Variants in PCSK1 observed in about 807,000 individuals in gnomAD.
PCSK1 encodes neuroendocrine convertase 1.
Under a neutral mutation model 90.6 loss-of-function variants are expected in PCSK1, and 56 were observed. The ratio of observed to expected loss-of-function variants is 0.62; its 90% CI spans 0.50 to 0.77. The LOEUF (loss-of-function observed/expected upper bound fraction) is 0.77, where lower values mean the gene tolerates loss of function less well. Among genes scored for constraint, PCSK1 ranks in the 30% least tolerant of loss-of-function variants. PCSK1 has a pLI of 0.00. For missense variants in PCSK1, 801 were observed against 932.6 expected (o/e 0.86, Z 1.84); for synonymous variants, 348 against 342.4 (o/e 1.02, Z -0.18).
chr5:96,401,449 A>G (rs1760372082), intron 9 of PCSK1, among the ~76,000 whole-genome samples: 1 of 152,192 alleles, frequency 6.6e-6, no homozygotes, highest in Admixed American at 6.5e-5. Context: ...CCAGAAAGGG[A>G]GCTTATACTT....
chr5:96,398,887 G>A lies in PCSK1; in HGVS notation c.1580C>T (p.Ser527Phe). 2 of 1,613,078 alleles carry A rather than the reference G, an allele frequency of 1.2e-6. No homozygotes were observed. The highest frequency in any genetic ancestry group is 1.7e-6 in the Non-Finnish European group (2 of 1,179,098). The change falls in exon 11 of 14, where the codon TCT becomes TTT. Residue 527 changes from serine (S) to phenylalanine (F), a missense_variant. By Grantham distance (155) the Ser-to-Phe change is radical. Coordinates refer to ENST00000311106, the MANE Select transcript of PCSK1 (RefSeq NM_000439.5). ...RRGDLHVTLT[S>F]AAGTSTVLLA... The stretch of plus-strand genomic sequence containing the variant: ...GAACTTTTTTAATTTACCAGCAGCA[G>A]AAGTAAGTGTGACATGAAGGTCTCC...
chr5:96,395,162 G>A, intron 12 of PCSK1, 137 bp from the exon 13 acceptor site: 1 of 742,688 alleles, frequency 1.3e-6, no homozygotes, highest in Non-Finnish European at 2.3e-6. Context: ...GAAACCATTG[G>A]ATCCACTCTT....
At chr5:96,412,949 C>T (rs1181284363) in intron 6 of PCSK1, 2 of 1,025,540 alleles carry the variant, frequency 2.0e-6, no homozygotes, top group African/African-American at 3.5e-5. Flanking sequence ...TCCAAGCAGC[C>T]CTCTGGTGAT....
intron 10 of PCSK1, among the ~76,000 whole-genome samples, chr5:96,399,454 A>G (rs1487529057): frequency 6.6e-6 from 1 of 152,162 alleles, no homozygotes; most frequent in Non-Finnish European, 1.5e-5. Flanking sequence ...CTTCTGTGAC[A>G]AGATGTGGTG....
intron 1 of PCSK1, 39 bp downstream of exon 1, chr5:96,432,824 T>A: frequency 1.9e-6 from 3 of 1,593,304 alleles, no homozygotes; most frequent in Non-Finnish European, 2.6e-6. Context: ...GCCAGTCCCC[T>A]GGGGCCCCAG....
intron 1 of PCSK1, chr5:96,432,043 G>A (rs1352788466): frequency 2.1e-6 from 3 of 1,416,478 alleles, no homozygotes. Flanking sequence ...ACTTGGACAG[G>A]CAACAATAAG....
Position 96,420,187 on chromosome 5 carries a change from C to T in PCSK1, c.620+1693G>A, listed in dbSNP as rs191564873. ...ATTTAAGAAACATAGGGAGAAGGTA[C>T]GTTGTCACCCAGTTTAGGGGAAGAA... is the stretch of plus-strand genomic sequence containing the variant. On this transcript the variant is annotated intron_variant, in intron 5 of 13. Coordinates refer to ENST00000311106, the MANE Select transcript of PCSK1 (RefSeq NM_000439.5). Among the ~76,000 whole-genome samples, 12 of 152,190 alleles carry T rather than the reference C, an allele frequency of 7.9e-5. No homozygotes were observed. In the South Asian group the frequency reaches 8.3e-4, roughly 11 times the overall value.
intron 5 of PCSK1, among the ~76,000 whole-genome samples, chr5:96,418,881 T>C (rs1316466358): frequency 1.3e-5 from 2 of 152,186 alleles, no homozygotes; most frequent in Non-Finnish European, 2.9e-5. Context: ...TTGTCTCTGC[T>C]GCTCCCATCG....
At chr5:96,426,443 C>G (rs1761309710) in intron 2 of PCSK1, among the ~76,000 whole-genome samples, 1 of 152,072 alleles carries the variant, frequency 6.6e-6, no homozygotes, top group Non-Finnish European at 1.5e-5. Context: ...TTTGAAACTC[C>G]CTCCCCTGTG....
At chr5:96,407,028 CTAAAA>C (rs1262799066) in intron 9 of PCSK1, among the ~76,000 whole-genome samples, 2 of 151,840 alleles carry the variant, frequency 1.3e-5, no homozygotes, top group Non-Finnish European at 2.9e-5. Flanking sequence ...ACATCATACA[CTAAAA>C]TAAATTCCAG....
intron 6 of PCSK1, among the ~76,000 whole-genome samples, chr5:96,414,265 T>A (rs1760872687): frequency 6.6e-6 from 1 of 152,190 alleles, no homozygotes; most frequent in African/African-American, 2.4e-5. Flanking sequence ...TCATGTGCAT[T>A]CATGATAGTC....
chr5:96,425,024 G>GAA (rs1267867763), intron 3 of PCSK1, among the ~76,000 whole-genome samples: 4 of 71,616 alleles, frequency 5.6e-5, no homozygotes, highest in Non-Finnish European at 1.2e-4. Context: ...AAGAAAGAAA[G>GAA]AAAGAAAGAA....
intron 5 of PCSK1, among the ~76,000 whole-genome samples, chr5:96,419,386 A>T (rs917440883): frequency 3.5e-5 from 2 of 56,458 alleles, no homozygotes; most frequent in South Asian, 6.0e-4. Context: ...AATACTTATT[A>T]TATATATATA....
In PCSK1 at chr5:96,391,064, T is replaced by C. The variant is rs562288544; in HGVS notation, c.*1937A>G. 6.6e-6 allele frequency: 1 copy of C among 152,486 alleles called. No homozygotes were observed. Among genetic ancestry groups the C allele is most frequent in the Admixed American group, 6.5e-5 (1 of 15,308 alleles). 9.4% of individuals were successfully genotyped at this position (152,486 alleles called of 1,614,324 possible). ...AATCTAAGAATTCTCTGGTCCTTTT[T>C]AGTTTTAATACTTTTTGATATGCTC... is the stretch of plus-strand genomic sequence containing the variant. On this transcript the variant is annotated 3_prime_UTR_variant, in exon 14 of 14. Transcript: ENST00000311106.
At chr5:96,432,280 G>A (rs1237044785) in intron 1 of PCSK1, 3 of 689,822 alleles carry the variant, frequency 4.3e-6, no homozygotes, top group African/African-American at 3.6e-5. Flanking sequence ...CAGCTTCCCA[G>A]GCTACTCCGC....
chr5:96,427,723 G>A (rs77649569), intron 2 of PCSK1, among the ~76,000 whole-genome samples: 3,743 of 152,302 alleles, frequency 0.025, 152 homozygotes, highest in African/African-American at 0.086. Flanking sequence ...TCCTATGAAA[G>A]TGAGAAGGCA....
intron 9 of PCSK1, among the ~76,000 whole-genome samples, chr5:96,407,780 A>T (rs191635560): frequency 4.6e-5 from 7 of 152,336 alleles, no homozygotes; most frequent in Admixed American, 1.3e-4. Flanking sequence ...CTAGGCTTAC[A>T]TATTCAAAGA....
At chr5:96,409,362 G>T (rs1214281153) in intron 8 of PCSK1, among the ~76,000 whole-genome samples, 1 of 152,166 alleles carries the variant, frequency 6.6e-6, no homozygotes, top group Non-Finnish European at 1.5e-5. Context: ...AGTTATGATG[G>T]CTCTGCTCCT....
intron 5 of PCSK1, among the ~76,000 whole-genome samples, chr5:96,418,115 T>A (rs1760991347): frequency 6.6e-6 from 1 of 152,214 alleles, no homozygotes; most frequent in Non-Finnish European, 1.5e-5. Context: ...ACGACTATTC[T>A]CTAGTGAGAG....
Sources: allele counts gnomAD v4.1 joint callset (sites outside exome capture counted in the v4.1 genomes callset), GRCh38; gene constraint gnomAD v4.1.1; transcripts MANE v1.5; gene names NCBI Gene and HGNC (gene_info 2026-07-23, HGNC 2026-07-21).